RBMS3: variants seen among roughly 807,000 people sequenced by gnomAD.
RBMS3 encodes RNA binding motif single stranded interacting protein 3, also known as RNA-binding motif, single-stranded-interacting protein 3.
In RBMS3, 27 loss-of-function variants were observed where a neutral mutation model predicts 66.8. The ratio of observed to expected loss-of-function variants is 0.40; its 90% CI spans 0.30 to 0.56. The LOEUF (loss-of-function observed/expected upper bound fraction) is 0.56. RBMS3 is among the 20% of genes least tolerant of loss of function. The pLI is 0.40. For synonymous variants in RBMS3, 188 were observed against 183.0 expected (o/e 1.03, Z -0.22); for missense variants, 513 against 549.5 (o/e 0.93, Z 0.66).
intron 5 of RBMS3, among the ~76,000 whole-genome samples, chr3:29,759,969 G>A (rs1018072925): frequency 6.6e-6 from 1 of 152,116 alleles, no homozygotes; most frequent in Non-Finnish European, 1.5e-5. Context: ...TTTCAGAGAC[G>A]GGAGTCTCTA....
chr3:29,953,324 T>C, intron 12 of RBMS3, among the ~76,000 whole-genome samples: 1 of 151,924 alleles, frequency 6.6e-6, no homozygotes, highest in East Asian at 1.9e-4. Flanking sequence ...GATGTTTGAT[T>C]GTTTAGGTTT....
intron 4 of RBMS3, among the ~76,000 whole-genome samples, chr3:29,592,886 T>C (rs1418401651): frequency 6.6e-6 from 1 of 151,734 alleles, no homozygotes; most frequent in Non-Finnish European, 1.5e-5. Flanking sequence ...GAAACCATCA[T>C]TCTCAGCAAA....
intron 4 of RBMS3, among the ~76,000 whole-genome samples, chr3:29,666,769 T>TA (rs2050780663): frequency 1.3e-5 from 2 of 152,174 alleles, no homozygotes; most frequent in Admixed American, 6.6e-5. Context: ...ATTTAATTTT[T>TA]AAAAAATAAC....
chr3:29,385,326 C>T (rs982300838), intron 1 of RBMS3, among the ~76,000 whole-genome samples: 2 of 152,112 alleles, frequency 1.3e-5, no homozygotes, highest in Non-Finnish European at 2.9e-5. Context: ...CAGATTTGTC[C>T]ACTCCCATTT....
chr3:29,996,892 G>T (rs1007546332), intron 14 of RBMS3, among the ~76,000 whole-genome samples: 1 of 151,978 alleles, frequency 6.6e-6, no homozygotes, highest in Non-Finnish European at 1.5e-5. Context: ...TCAAAAGCTA[G>T]CAGAAGGCAA....
intron 2 of RBMS3, among the ~76,000 whole-genome samples, chr3:29,436,264 T>C (rs998131948): frequency 6.6e-6 from 1 of 152,108 alleles, no homozygotes; most frequent in Admixed American, 6.6e-5. Flanking sequence ...GGAATACATA[T>C]CAACACAACA....
intron 8 of RBMS3, among the ~76,000 whole-genome samples, chr3:29,884,469 T>TCTCTCTCTCTCTCC (rs1553692501): frequency 1.5e-5 from 1 of 66,350 alleles, no homozygotes; most frequent in African/African-American, 5.2e-5. Context: ...TCTCTCTCTC[T>TCTCTCTCTCTCTCC]CCCCCCCCGC....
At chr3:29,752,234 T>C (rs949446741) in intron 5 of RBMS3, among the ~76,000 whole-genome samples, 2 of 152,186 alleles carry the variant, frequency 1.3e-5, no homozygotes, top group Non-Finnish European at 2.9e-5. Flanking sequence ...GAAATTCTGC[T>C]GTCAAGCCAT....
intron 4 of RBMS3, among the ~76,000 whole-genome samples, chr3:29,619,364 C>G (rs980395399): frequency 1.1e-4 from 16 of 151,648 alleles, no homozygotes; most frequent in Admixed American, 9.2e-4. Context: ...TTGTGATGTA[C>G]TTATTAGAAT....
At chr3:29,319,082 G>C (rs988666404) in intron 1 of RBMS3, among the ~76,000 whole-genome samples, 1 of 151,948 alleles carries the variant, frequency 6.6e-6, no homozygotes, top group African/African-American at 2.4e-5. Flanking sequence ...AGGGATATAA[G>C]TGGTAGATGT....
chr3:29,640,307 A>G (rs1576418623), intron 4 of RBMS3, among the ~76,000 whole-genome samples: 1 of 151,490 alleles, frequency 6.6e-6, no homozygotes, highest in Admixed American at 6.6e-5. Flanking sequence ...CGAAAGACGG[A>G]AAGAAAACAG....
intron 2 of RBMS3, among the ~76,000 whole-genome samples, chr3:29,444,986 C>A: frequency 6.6e-6 from 1 of 151,252 alleles, no homozygotes; most frequent in East Asian, 1.9e-4. Flanking sequence ...TCCCTACTCC[C>A]TACCAATCTG....
chr3:29,980,094 CTGT>C (rs1467834640), intron 12 of RBMS3, among the ~76,000 whole-genome samples: 1 of 152,216 alleles, frequency 6.6e-6, no homozygotes, highest in East Asian at 1.9e-4. Context: ...TCTCTAGCAT[CTGT>C]TGTTTCATGA....
At chr3:29,846,886 A>C (rs767653898) in intron 6 of RBMS3, among the ~76,000 whole-genome samples, 5 of 152,312 alleles carry the variant, frequency 3.3e-5, no homozygotes, top group Non-Finnish European at 5.9e-5. Flanking sequence ...AAAAAGAACT[A>C]TGTTGTGGGT....
chr3:29,554,444 A>G (rs1559464095), intron 3 of RBMS3, among the ~76,000 whole-genome samples: 2 of 152,216 alleles, frequency 1.3e-5, no homozygotes, highest in Non-Finnish European at 2.9e-5. Context: ...GGCAGACATA[A>G]CAAACATAAA....
intron 1 of RBMS3, among the ~76,000 whole-genome samples, chr3:29,365,506 G>A (rs7638796): frequency 0.6 from 90,554 of 151,828 alleles, 28,037 homozygotes; most frequent in Non-Finnish European, 0.69. Context: ...GGATCTTCTA[G>A]GCTAAAATTT....
At chr3:29,717,026 C>T (rs531529941) in intron 4 of RBMS3, among the ~76,000 whole-genome samples, 2 of 151,986 alleles carry the variant, frequency 1.3e-5, no homozygotes, top group African/African-American at 4.8e-5. Context: ...ACATTATTGG[C>T]GGAAGTCTGG....
At chr3:29,327,026 G>A (rs964196460) in intron 1 of RBMS3, among the ~76,000 whole-genome samples, 14 of 151,996 alleles carry the variant, frequency 9.2e-5, no homozygotes, top group African/African-American at 2.2e-4. Context: ...CACCACACCC[G>A]GCCTAGAATC....
chr3:29,562,228 A>G (rs981273793), intron 3 of RBMS3, among the ~76,000 whole-genome samples: 3 of 152,122 alleles, frequency 2.0e-5, no homozygotes, highest in Admixed American at 2.0e-4. Flanking sequence ...TGGGCCCTGC[A>G]ATAAACTGAT....
Sources: gnomAD v4.1 joint callset for allele counts (sites outside exome capture counted in the v4.1 genomes callset) on GRCh38, gnomAD v4.1.1 for gene constraint, MANE v1.5 for transcripts, NCBI Gene and HGNC (gene_info 2026-07-23, HGNC 2026-07-21) for gene names.